Variants in TPRG1 observed in about 807,000 individuals in gnomAD.
TPRG1 encodes tumor protein p63 regulated 1.
A neutral mutation model predicts 29.3 loss-of-function variants in TPRG1; 29 were observed. The observed-to-expected ratio is 0.99, with a 90% CI of 0.74 to 1.35. The LOEUF is 1.35. TPRG1 is among the 40% of genes most tolerant of loss of function. The pLI is 0.00. For missense variants in TPRG1, 327 were observed against 335.0 expected, an observed-to-expected ratio of 0.98 and a Z score of 0.19; for synonymous variants, 130 against 116.8, an observed-to-expected ratio of 1.11 and a Z score of -0.73.
intron 4 of TPRG1, among the ~76,000 whole-genome samples, chr3:189,279,875 A>G (rs940673247): frequency 2.0e-5 from 3 of 152,192 alleles, no homozygotes; most frequent in Non-Finnish European, 4.4e-5. Context: ...TAAGATGTTT[A>G]TGAAAAGTTA....
chr3:189,198,853 A>C (rs533435470), intron 1 of TPRG1, among the ~76,000 whole-genome samples: 7 of 152,328 alleles, frequency 4.6e-5, no homozygotes, highest in African/African-American at 1.4e-4. Flanking sequence ...AGAAGCATGC[A>C]CTCAAATGTC....
intron 1 of TPRG1, among the ~76,000 whole-genome samples, chr3:189,120,895 G>T (rs1412299556): frequency 2.0e-5 from 3 of 152,176 alleles, no homozygotes; most frequent in African/African-American, 7.2e-5. Flanking sequence ...TAGTATTTCT[G>T]CAGTTTCAGA....
intron 4 of TPRG1, among the ~76,000 whole-genome samples, chr3:189,255,933 C>G (rs991562657): frequency 5.3e-5 from 8 of 151,930 alleles, no homozygotes; most frequent in Non-Finnish European, 1.0e-4. Context: ...AGTGGTCTAT[C>G]TATTATGTTA....
upstream of TPRG1, among the ~76,000 whole-genome samples, chr3:189,171,219 A>C (rs980743409): frequency 6.6e-6 from 1 of 152,242 alleles, no homozygotes; most frequent in Non-Finnish European, 1.5e-5. Context: ...TTCAAGTTCT[A>C]TCTGCATTTC....
intron 1 of TPRG1, among the ~76,000 whole-genome samples, chr3:189,116,985 A>T (rs959168593): frequency 2.6e-5 from 4 of 151,614 alleles, no homozygotes; most frequent in Non-Finnish European, 5.9e-5. Flanking sequence ...ACTAAAAAAA[A>T]TTTTCTCAAA....
chr3:189,200,713 G>A (rs942007628), intron 1 of TPRG1, among the ~76,000 whole-genome samples: 10 of 152,144 alleles, frequency 6.6e-5, no homozygotes, highest in Non-Finnish European at 1.2e-4. Flanking sequence ...TGTGGTTACC[G>A]TAATTTCATT....
Position 189,322,951 on chromosome 3 carries a change from AT to A in TPRG1, c.*2135del, listed in dbSNP as rs1258757062. 1 of 152,120 alleles carries A rather than the reference AT, an allele frequency of 6.6e-6. No individual in the cohort carries two copies. Among genetic ancestry groups the A allele is most frequent in the Non-Finnish European group, 1.5e-5 (1 of 68,012 alleles). 9.4% of individuals were successfully genotyped at this position (152,120 alleles called of 1,614,324 possible). The stretch of plus-strand genomic sequence containing the variant: ...GAGGGTCTTTATGAATTCCCTTCAC[AT>A]TTTGTAAAAACTGTCATATATAGGC... On this transcript the variant is annotated 3_prime_UTR_variant, in exon 6 of 6. Coordinates refer to ENST00000345063, the MANE Select transcript of TPRG1 (RefSeq NM_198485.4).
intron 1 of TPRG1, among the ~76,000 whole-genome samples, chr3:189,178,223 GATAAC>G (rs1200916798): frequency 1.3e-5 from 2 of 152,312 alleles, no homozygotes; most frequent in East Asian, 3.9e-4. Context: ...GTGGAGGAAA[GATAAC>G]AGAAGTATGC....
intron 4 of TPRG1, among the ~76,000 whole-genome samples, chr3:189,249,088 G>T (rs1741777741): frequency 6.6e-6 from 1 of 151,046 alleles, no homozygotes; most frequent in African/African-American, 2.4e-5. Context: ...TGTTATTTAG[G>T]TATACTCTAT....
chr3:189,131,447 A>T (rs1313630388), intron 2 of TPRG1, among the ~76,000 whole-genome samples: 9 of 152,226 alleles, frequency 5.9e-5, no homozygotes, highest in Non-Finnish European at 1.2e-4. Flanking sequence ...ATTTGAGAAT[A>T]TAAAATCTCC....
At position 189,139,045 on chromosome 3, in the gene TPRG1, A is replaced by G. The variant is rs1284896285; in HGVS notation, c.-291+6348A>G. Among the ~76,000 whole-genome samples the G allele has an allele frequency of 2.0e-5, 3 of 152,240 alleles. No individual in the cohort carries two copies. In the East Asian group the frequency reaches 5.8e-4, roughly 29 times the overall value. On this transcript the variant is annotated intron_variant, in intron 3 of 6. Transcript: ENST00000412373. ...GCTCAGCTCTTAAAATGGGAGCAAA[A>G]GAAACCCAGCCAAGTAGACAACTTA... is the stretch of plus-strand genomic sequence containing the variant.
chr3:189,137,769 C>T (rs933392811), intron 3 of TPRG1, among the ~76,000 whole-genome samples: 1 of 152,154 alleles, frequency 6.6e-6, no homozygotes, highest in African/African-American at 2.4e-5. Flanking sequence ...CTTCCCCCTT[C>T]TCGTGTCTCT....
At chr3:189,084,658 G>A (rs752563219) in intron 4 of TPRG1, among the ~76,000 whole-genome samples, 13 of 152,276 alleles carry the variant, frequency 8.5e-5, no homozygotes, top group South Asian at 8.3e-4. Flanking sequence ...CTCACTATGC[G>A]TTTCTCTCAG....
At chr3:189,269,361 G>GT (rs1378550735) in intron 4 of TPRG1, among the ~76,000 whole-genome samples, 1 of 151,930 alleles carries the variant, frequency 6.6e-6, no homozygotes, top group East Asian at 1.9e-4. Context: ...TTTTGTTTTC[G>GT]TTTTTCACTT....
At chr3:189,261,262 G>T (rs1050576198) in intron 4 of TPRG1, among the ~76,000 whole-genome samples, 3 of 152,058 alleles carry the variant, frequency 2.0e-5, no homozygotes, top group Non-Finnish European at 4.4e-5. Flanking sequence ...TGCTCCAAAA[G>T]AATCTGGCTA....
chr3:189,257,355 G>C (rs969038015), intron 4 of TPRG1, among the ~76,000 whole-genome samples: 17 of 152,114 alleles, frequency 1.1e-4, no homozygotes, highest in African/African-American at 4.1e-4. Context: ...TGGCTTGTAG[G>C]GTCTCTGCAG....
intron 4 of TPRG1, among the ~76,000 whole-genome samples, chr3:189,079,540 G>T (rs1717444869): frequency 6.6e-6 from 1 of 152,012 alleles, no homozygotes. Flanking sequence ...TTTTCTCATT[G>T]TTTATGCAAT....
chr3:189,073,743 G>T (rs2152157867), intron 4 of TPRG1, among the ~76,000 whole-genome samples: 1 of 151,770 alleles, frequency 6.6e-6, no homozygotes, highest in Non-Finnish European at 1.5e-5. Context: ...ATTATTTTTT[G>T]GTTTATCCTT....
At chr3:189,134,548 G>A (rs2108543704) in intron 3 of TPRG1, among the ~76,000 whole-genome samples, 1 of 151,304 alleles carries the variant, frequency 6.6e-6, no homozygotes, top group Middle Eastern at 3.4e-3. Context: ...CAAGTAGGTG[G>A]GACTATATAT....
Sources: allele counts gnomAD v4.1 joint callset (sites outside exome capture counted in the v4.1 genomes callset), GRCh38; gene constraint gnomAD v4.1.1; transcripts MANE v1.5; gene names NCBI Gene and HGNC (gene_info 2026-07-23, HGNC 2026-07-21).